Variants in ZNF37A observed in about 807,000 individuals in gnomAD.
The protein encoded by ZNF37A is zinc finger protein 37A.
A neutral mutation model predicts 12.3 loss-of-function variants in ZNF37A; 10 were observed. The ratio of observed to expected loss-of-function variants is 0.82; its 90% CI spans 0.50 to 1.38. The LOEUF (loss-of-function observed/expected upper bound fraction) is 1.38, where lower values mean the gene tolerates loss of function less well. Ranked by LOEUF, ZNF37A falls within the 40% of genes most tolerant of loss-of-function variation. The pLI, the probability that ZNF37A is intolerant of heterozygous loss-of-function variation, is 0.00. For synonymous variants in ZNF37A, 207 were observed against 223.0 expected (o/e 0.93, Z 0.64); for missense variants, 580 against 651.2 (o/e 0.89, Z 1.19).
At chr10:38,114,542 A>C (rs1164053643) in intron 5 of ZNF37A, among the ~76,000 whole-genome samples, 1 of 152,222 alleles carries the variant, frequency 6.6e-6, no homozygotes, top group Non-Finnish European at 1.5e-5. Context: ...ATATTTTTGC[A>C]TTAAGTAATA....
chr10:38,112,735 CTTTTCTTTTCT>C lies in ZNF37A; in HGVS notation c.16-2016_16-2006del, dbSNP rs2068807528. On this transcript the variant is annotated intron_variant, in intron 5 of 7. Coordinates refer to ENST00000685332, the MANE Select transcript of ZNF37A (RefSeq NM_001324250.3). ...CAATTCTGTATTTTACATCCATTTTCTTTTCTTTTCTTTTCTTTTCTTTTCTTTTCTTTTCT... is the reference window on the plus strand; with the variant it reads ...CAATTCTGTATTTTACATCCATTTTCTTTCTTTTCTTTTCTTTTCTTTTCT... Among the ~76,000 whole-genome samples, 3 of 24,100 alleles carry C rather than the reference CTTTTCTTTTCT, an allele frequency of 1.2e-4. 1 individual carries two copies. Among genetic ancestry groups the C allele is most frequent in the African/African-American group, 2.8e-4 (2 of 7,114 alleles). The allele number at this position is 24,100 out of a possible 152,430, so 15.8% of individuals were successfully genotyped here. A position where few individuals can be genotyped will look rare whatever the true frequency, so the allele number is the denominator to read the frequency against.
chr10:38,094,858 G>A (rs899366102), intron 1 of ZNF37A, 73 bp from the exon 2 acceptor site: 2 of 152,300 alleles, frequency 1.3e-5, no homozygotes, highest in African/African-American at 2.4e-5. Context: ...CGCGGGGCGG[G>A]GAGGGACCCT....
At chr10:38,145,199 A>G (rs983586164) in intron 7 of ZNF37A, among the ~76,000 whole-genome samples, 5 of 129,800 alleles carry the variant, frequency 3.9e-5, no homozygotes, top group Admixed American at 8.3e-5. Context: ...ATGAACAACA[A>G]TAAAAGCGGA....
chr10:38,104,609 C>G (rs1268868238), intron 5 of ZNF37A, among the ~76,000 whole-genome samples: 1 of 152,052 alleles, frequency 6.6e-6, no homozygotes, highest in Non-Finnish European at 1.5e-5. Flanking sequence ...CCATCTTGTC[C>G]TTTTCCTGCA....
intron 5 of ZNF37A, among the ~76,000 whole-genome samples, chr10:38,108,912 G>T (rs550387276): frequency 6.6e-6 from 1 of 152,272 alleles, no homozygotes; most frequent in East Asian, 1.9e-4. Context: ...GTACAAAGAG[G>T]AGCTGATACC....
downstream of ZNF37A, among the ~76,000 whole-genome samples, chr10:38,126,085 A>T (rs1264551450): frequency 1.3e-5 from 2 of 152,252 alleles, no homozygotes; most frequent in African/African-American, 2.4e-5. Context: ...ACTGGGAATT[A>T]CATTCAACAT....
exon 8 of ZNF37A, chr10:38,147,371 A>T (rs1220238499): frequency 6.6e-6 from 1 of 152,216 alleles, no homozygotes; most frequent in Non-Finnish European, 1.5e-5. Flanking sequence ...ATTAATGACA[A>T]CAGTGGCTAA....
chr10:38,116,214 C>T (rs1400853930), intron 7 of ZNF37A, among the ~76,000 whole-genome samples: 1 of 152,096 alleles, frequency 6.6e-6, no homozygotes, highest in African/African-American at 2.4e-5. Flanking sequence ...ATTTAAATAT[C>T]TATATAGGGC....
chr10:38,134,842 A>G (rs1481159482), intron 7 of ZNF37A, among the ~76,000 whole-genome samples: 1 of 152,186 alleles, frequency 6.6e-6, no homozygotes, highest in African/African-American at 2.4e-5. Context: ...GACATTTTTA[A>G]GTCTGCAGAA....
intron 1 of ZNF37A, among the ~76,000 whole-genome samples, chr10:38,094,699 G>A (rs556398297): frequency 7.9e-4 from 121 of 152,370 alleles, no homozygotes; most frequent in Non-Finnish European, 1.4e-3. Context: ...GGCCTCCGCA[G>A]GACGGCGCAG....
At chr10:38,141,093 G>T (rs2070176079) in intron 7 of ZNF37A, 1 of 152,044 alleles carries the variant, frequency 6.6e-6, no homozygotes, top group Non-Finnish European at 1.5e-5. Context: ...AGGAAACAGG[G>T]TATTTGCAAA....
chr10:38,101,908 C>T (rs372449892), intron 5 of ZNF37A, among the ~76,000 whole-genome samples: 7 of 151,164 alleles, frequency 4.6e-5, no homozygotes, highest in African/African-American at 9.7e-5. Flanking sequence ...CTGCAACCTC[C>T]GCCTCCAGGG....
At chr10:38,108,588 C>A (rs1240259305) in intron 5 of ZNF37A, among the ~76,000 whole-genome samples, 1 of 151,400 alleles carries the variant, frequency 6.6e-6, no homozygotes, top group African/African-American at 2.4e-5. Flanking sequence ...ATAGAATAGC[C>A]AGAAGAATAA....
chr10:38,112,793 T>TGTTGG (rs1564932610), intron 5 of ZNF37A, among the ~76,000 whole-genome samples: 3 of 48,784 alleles, frequency 6.1e-5, no homozygotes, highest in Non-Finnish European at 1.3e-4. Flanking sequence ...TTCTTTTCTT[T>TGTTGG]TCTTGTCTTG....
intron 5 of ZNF37A, among the ~76,000 whole-genome samples, chr10:38,109,145 CAGCTTCATCCCTGGG>C (rs2068408930): frequency 1.3e-5 from 2 of 152,152 alleles, no homozygotes; most frequent in South Asian, 4.1e-4. Flanking sequence ...ATGCTCAAGT[CAGCTTCATCCCTGGG>C]ATGCAAGGCT....
downstream of ZNF37A, among the ~76,000 whole-genome samples, chr10:38,126,662 A>T (rs1364211896): frequency 6.6e-6 from 1 of 152,208 alleles, no homozygotes; most frequent in Admixed American, 6.5e-5. Context: ...GAACTATGTT[A>T]TCCAGTTTTG....
At position 38,118,289 on chromosome 10, in the gene ZNF37A, G is replaced by A. The variant is rs2069451669; in HGVS notation, c.1138G>A (p.Glu380Lys). Residue 380 changes from glutamate to lysine, a missense_variant, in exon 8 of 8, where the codon GAG becomes AAG. Transcript: ENST00000685332. ...TGTGCATCAGAAAACACACACAGGG[G>A]AGAAGCCCTATGAATGCTATGCATG... Reference protein sequence around the residue: ...LTVHQKTHTGEKPYECYACGK... With the variant: ...LTVHQKTHTGKKPYECYACGK... The A allele has an allele frequency of 6.2e-7, 1 of 1,613,926 alleles. No individual in the cohort carries two copies.
At chr10:38,130,198 A>G (rs1009639560), downstream of ZNF37A, among the ~76,000 whole-genome samples, 1 of 152,140 alleles carries the variant, frequency 6.6e-6, no homozygotes, top group African/African-American at 2.4e-5. Context: ...ATGTTTAGCT[A>G]TATTTAAAAC....
chr10:38,132,685 C>T (rs1340872019), intron 7 of ZNF37A, among the ~76,000 whole-genome samples: 2 of 152,064 alleles, frequency 1.3e-5, no homozygotes, highest in South Asian at 2.1e-4. Context: ...GCCAGATAAG[C>T]CATGATGTTT....
Sources: gnomAD v4.1 joint callset for allele counts (sites outside exome capture counted in the v4.1 genomes callset) on GRCh38, gnomAD v4.1.1 for gene constraint, MANE v1.5 for transcripts, NCBI Gene and HGNC (gene_info 2026-07-23, HGNC 2026-07-21) for gene names.